The following SNRPN variants were observed in gnomAD, a reference collection of about 807,000 sequenced individuals.
SNRPN encodes the protein small nuclear ribonucleoprotein polypeptide N, also known as small nuclear ribonucleoprotein-associated protein N.
A neutral mutation model predicts 25.2 loss-of-function variants in SNRPN; 7 were observed. The ratio of observed to expected loss-of-function variants is 0.28; its 90% CI spans 0.16 to 0.52. SNRPN has a LOEUF of 0.52. Among genes scored for constraint, SNRPN ranks in the 20% least tolerant of loss-of-function variants. The pLI, the probability that SNRPN is intolerant of heterozygous loss-of-function variation, is 0.96. For missense variants in SNRPN, 196 were observed against 322.5 expected (o/e 0.61, Z 3.00); for synonymous variants, 124 against 110.6 (o/e 1.12, Z -0.76).
At chr15:24,909,450 C>T in intron 2 of SNRPN, 3 of 1,587,900 alleles carry the variant, frequency 1.9e-6, no homozygotes, top group Non-Finnish European at 1.7e-6. Context: ...TCGCCAGTCA[C>T]CTCCACTTGG....
intron 3 of SNRPN, among the ~76,000 whole-genome samples, chr15:24,944,617 A>G (rs2061765285): frequency 6.6e-6 from 1 of 152,210 alleles, no homozygotes; most frequent in Admixed American, 6.5e-5. Context: ...TAGAGTACCA[A>G]TTTCAGAAAC....
intron 3 of SNRPN, among the ~76,000 whole-genome samples, chr15:24,923,262 C>G (rs1024787633): frequency 6.6e-6 from 1 of 152,086 alleles, no homozygotes; most frequent in Non-Finnish European, 1.5e-5. Flanking sequence ...GCAGTTATCA[C>G]CAACACTGCA....
At chr15:24,954,611 C>T (rs768802166), upstream of SNRPN, among the ~76,000 whole-genome samples, 1 of 152,190 alleles carries the variant, frequency 6.6e-6, no homozygotes, top group Non-Finnish European at 1.5e-5. Context: ...CTTTTCCAAA[C>T]CAGCTTTTTT....
intron 3 of SNRPN, among the ~76,000 whole-genome samples, chr15:24,938,827 G>A (rs1278930694): frequency 6.6e-6 from 1 of 152,116 alleles, no homozygotes; most frequent in Non-Finnish European, 1.5e-5. Flanking sequence ...TGTGCCCTGG[G>A]TATATAGAAT....
At chr15:24,930,992 G>A (rs1434799719) in intron 3 of SNRPN, among the ~76,000 whole-genome samples, 1 of 151,962 alleles carries the variant, frequency 6.6e-6, no homozygotes, top group African/African-American at 2.4e-5. Flanking sequence ...AGTGGGTGCA[G>A]TGAGCCAAGA....
chr15:24,958,602 C>G (rs1002822746), intron 1 of SNRPN: 1 of 148,396 alleles, frequency 6.7e-6, no homozygotes. Context: ...TCCTCAGTCT[C>G]TCTCTGGCCA....
intron 2 of SNRPN, among the ~76,000 whole-genome samples, chr15:24,899,635 C>T (rs2058324002): frequency 6.6e-6 from 1 of 152,188 alleles, no homozygotes; most frequent in Non-Finnish European, 1.5e-5. Context: ...TCAGCCACTT[C>T]CTATATCCCC....
intron 3 of SNRPN, among the ~76,000 whole-genome samples, chr15:24,941,143 AT>A (rs758071315): frequency 1.1e-4 from 17 of 152,032 alleles, no homozygotes; most frequent in Non-Finnish European, 2.4e-4. Context: ...TGCCTGGCTA[AT>A]TTTTGTATTT....
chr15:24,932,626 A>G (rs1422994652), intron 3 of SNRPN, among the ~76,000 whole-genome samples: 1 of 151,136 alleles, frequency 6.6e-6, no homozygotes, highest in African/African-American at 2.4e-5. Context: ...TTCCACCAAT[A>G]AGAGTCATTG....
At chr15:24,883,305 C>G (rs988538621) in intron 1 of SNRPN, among the ~76,000 whole-genome samples, 2 of 152,222 alleles carry the variant, frequency 1.3e-5, no homozygotes, top group Non-Finnish European at 2.9e-5. Context: ...CACACACAGC[C>G]CTGTACATCA....
upstream of SNRPN, among the ~76,000 whole-genome samples, chr15:24,951,690 T>C (rs1323427501): frequency 6.6e-6 from 1 of 152,052 alleles, no homozygotes; most frequent in Non-Finnish European, 1.5e-5. Flanking sequence ...ATACTTCTAA[T>C]AAAGACGGGG....
At chr15:24,902,411 C>T (rs769556886) in intron 2 of SNRPN, among the ~76,000 whole-genome samples, 1 of 152,048 alleles carries the variant, frequency 6.6e-6, no homozygotes, top group Non-Finnish European at 1.5e-5. Context: ...AAATATATAT[C>T]AGGGAAGAAA....
chr15:24,868,004 T>A (rs1048276668), intron 1 of SNRPN, among the ~76,000 whole-genome samples: 3 of 152,064 alleles, frequency 2.0e-5, no homozygotes, highest in Non-Finnish European at 4.4e-5. Flanking sequence ...CTTTTTCATA[T>A]TTTAGTTGAT....
chr15:24,954,950 T>C (rs1201354507), upstream of SNRPN: 7 of 1,541,596 alleles, frequency 4.5e-6, no homozygotes, highest in Admixed American at 3.6e-5. Flanking sequence ...CAGGCGGGGA[T>C]GTGTGCGAAG....
chr15:24,877,821 C>A (rs2056130284), intron 1 of SNRPN, among the ~76,000 whole-genome samples: 1 of 152,122 alleles, frequency 6.6e-6, no homozygotes, highest in Non-Finnish European at 1.5e-5. Context: ...CACTGCCTGG[C>A]GACAGAGCGA....
At chr15:24,950,002 A>T (rs113621090), upstream of SNRPN, among the ~76,000 whole-genome samples, 1,226 of 151,768 alleles carry the variant, frequency 8.1e-3, 19 homozygotes, top group Middle Eastern at 0.027. Flanking sequence ...TTAAAAAAAA[A>T]TTTTTAGTAG....
chr15:24,869,959 G>C (rs549314593), intron 1 of SNRPN, among the ~76,000 whole-genome samples: 1 of 152,088 alleles, frequency 6.6e-6, no homozygotes, highest in African/African-American at 2.4e-5. Flanking sequence ...AATATGATAT[G>C]AAATTAGATA....
At chr15:24,839,466 G>A (rs976450128) in intron 2 of SNRPN, among the ~76,000 whole-genome samples, 4 of 152,036 alleles carry the variant, frequency 2.6e-5, no homozygotes, top group Non-Finnish European at 5.9e-5. Context: ...GATAGTCTTT[G>A]TCCCCACAAA....
Position 24,899,950 on chromosome 15 carries a change from T to C in SNRPN, c.-505+13361T>C, listed in dbSNP as rs535303050. ...CAGAGATGAATCTGGGAGGTTGTGT[T>C]GGTCATTCCTTTATGTTTGGGCACA... On this transcript the variant is annotated intron_variant, in intron 2 of 11. Transcript: ENST00000400097. Among the ~76,000 whole-genome samples the C allele has an allele frequency of 2.0e-5, 3 of 152,330 alleles. No individual in the cohort carries two copies. The South Asian group carries it at 6.2e-4, about 32-fold the overall frequency.
Sources: gnomAD v4.1 joint callset for allele counts (sites outside exome capture counted in the v4.1 genomes callset) on GRCh38, gnomAD v4.1.1 for gene constraint, MANE v1.5 for transcripts, NCBI Gene and HGNC (gene_info 2026-07-23, HGNC 2026-07-21) for gene names.